MAGI2: variants seen among roughly 807,000 people sequenced by gnomAD.
MAGI2 encodes membrane-associated guanylate kinase, WW and PDZ domain-containing protein 2.
In MAGI2, 35 loss-of-function variants were observed where a neutral mutation model predicts 133.3. That is an observed-to-expected ratio of 0.26 (90% CI 0.20 to 0.35). The LOEUF is 0.35. MAGI2 is among the 10% of genes least tolerant of loss of function. The probability of loss-of-function intolerance (pLI) is 1.00; values close to 1 mark genes in which losing one functional copy is unlikely to be tolerated. For synonymous variants in MAGI2, 729 were observed against 710.6 expected, an observed-to-expected ratio of 1.03 and a Z score of -0.41; for missense variants, 1,636 against 1,863.4, an observed-to-expected ratio of 0.88 and a Z score of 2.25.
At chr7:79,265,559 TGTAC>T (rs1038788143) in intron 1 of MAGI2, among the ~76,000 whole-genome samples, 1 of 152,198 alleles carries the variant, frequency 6.6e-6, no homozygotes, top group African/African-American at 2.4e-5. Context: ...CATTTGATAG[TGTAC>T]GTGCTTATAT....
intron 1 of MAGI2, among the ~76,000 whole-genome samples, chr7:79,147,042 C>G (rs1822708829): frequency 6.6e-6 from 1 of 152,196 alleles, no homozygotes; most frequent in South Asian, 2.1e-4. Context: ...GAGTTCATAT[C>G]TCAGGTCTAA....
chr7:78,541,109 C>T (rs1798381839), intron 3 of MAGI2, among the ~76,000 whole-genome samples: 1 of 152,210 alleles, frequency 6.6e-6, no homozygotes, highest in South Asian at 2.1e-4. Context: ...AGTCCTGACT[C>T]CTATCCACCA....
At chr7:78,431,443 G>C (rs1799788330) in intron 6 of MAGI2, among the ~76,000 whole-genome samples, 1 of 152,040 alleles carries the variant, frequency 6.6e-6, no homozygotes, top group Non-Finnish European at 1.5e-5. Context: ...TTTCTCAAAG[G>C]CTAAAGGAAA....
At chr7:79,175,872 A>G (rs1826048805) in intron 1 of MAGI2, among the ~76,000 whole-genome samples, 1 of 152,008 alleles carries the variant, frequency 6.6e-6, no homozygotes, top group African/African-American at 2.4e-5. Context: ...GCAGCACATG[A>G]CTGTACAATT....
At chr7:78,265,461 T>C (rs1374628956) in intron 9 of MAGI2, among the ~76,000 whole-genome samples, 2 of 152,206 alleles carry the variant, frequency 1.3e-5, no homozygotes, top group African/African-American at 2.4e-5. Context: ...CTCTAAAGAA[T>C]GTAGTGAATT....
chr7:79,002,050 A>G (rs951565347), intron 2 of MAGI2, among the ~76,000 whole-genome samples: 2 of 151,982 alleles, frequency 1.3e-5, no homozygotes, highest in East Asian at 3.9e-4. Context: ...CTGAAGTTCA[A>G]TTACATACAA....
At chr7:78,224,694 A>ATTT (rs566236945) in intron 10 of MAGI2, among the ~76,000 whole-genome samples, 1 of 142,324 alleles carries the variant, frequency 7.0e-6, no homozygotes, top group Admixed American at 7.0e-5. Flanking sequence ...AACAACGTAA[A>ATTT]TTTTTTTTTT....
intron 9 of MAGI2, among the ~76,000 whole-genome samples, chr7:78,336,027 T>C (rs897215939): frequency 2.0e-5 from 3 of 152,112 alleles, no homozygotes; most frequent in Non-Finnish European, 4.4e-5. Flanking sequence ...AGTGTATTTG[T>C]TAGAAGTGTG....
intron 3 of MAGI2, among the ~76,000 whole-genome samples, chr7:78,537,708 T>C (rs113311492): frequency 0.066 from 10,043 of 152,210 alleles, 409 homozygotes; most frequent in Non-Finnish European, 0.097. Flanking sequence ...TTCTTGCTGA[T>C]TTTTTCCTTG....
intron 3 of MAGI2, among the ~76,000 whole-genome samples, chr7:78,610,127 C>T (rs1176781037): frequency 2.0e-5 from 3 of 152,100 alleles, no homozygotes; most frequent in Non-Finnish European, 1.5e-5. Context: ...AGAAATGGTA[C>T]CACATATTGG....
chr7:79,297,869 C>T lies in MAGI2; in HGVS notation c.301+155151G>A, dbSNP rs796396307. 9.2e-5 allele frequency among the ~76,000 whole-genome samples: 14 copies of T among 152,282 alleles called. No individual in the cohort carries two copies. In the East Asian group the frequency reaches 2.3e-3, roughly 25 times the overall value. On this transcript the variant is annotated intron_variant, in intron 1 of 21. Coordinates refer to ENST00000354212, the MANE Select transcript of MAGI2 (RefSeq NM_012301.4). ...CTCAGCACAGCTTTGACTTAACTTT[C>T]GTCAGGTGGGAATGAGCAAGTTAAT...
At chr7:79,432,926 T>C (rs1217017513) in intron 1 of MAGI2, among the ~76,000 whole-genome samples, 1 of 152,210 alleles carries the variant, frequency 6.6e-6, no homozygotes, top group East Asian at 1.9e-4. Flanking sequence ...TGCTTCTTTA[T>C]TCTTGTTCCT....
At chr7:78,392,169 G>A (rs1028097669) in intron 6 of MAGI2, among the ~76,000 whole-genome samples, 14 of 152,158 alleles carry the variant, frequency 9.2e-5, no homozygotes, top group African/African-American at 3.4e-4. Flanking sequence ...AGTAGAAATG[G>A]ATCTGTAAGG....
At chr7:78,933,154 C>T (rs1028889121) in intron 2 of MAGI2, among the ~76,000 whole-genome samples, 80 of 152,104 alleles carry the variant, frequency 5.3e-4, no homozygotes, top group African/African-American at 1.6e-3. Flanking sequence ...GAAAGCAGGA[C>T]TGGGTGATGA....
At chr7:78,827,580 C>G (rs1490287743) in intron 2 of MAGI2, among the ~76,000 whole-genome samples, 1 of 152,066 alleles carries the variant, frequency 6.6e-6, no homozygotes, top group Non-Finnish European at 1.5e-5. Flanking sequence ...TGCACCCAGC[C>G]TCTTTAGGAA....
chr7:79,203,965 T>A (rs1828826521), intron 1 of MAGI2, among the ~76,000 whole-genome samples: 1 of 151,994 alleles, frequency 6.6e-6, no homozygotes, highest in African/African-American at 2.4e-5. Flanking sequence ...GATCACAGTA[T>A]TTGGTTGTAG....
intron 7 of MAGI2, chr7:78,359,304 G>A (rs941254114): frequency 6.6e-6 from 1 of 152,156 alleles, no homozygotes; most frequent in African/African-American, 2.4e-5. Context: ...ATATGAAAAA[G>A]TGCTTAGGGA....
At chr7:79,387,555 C>G (rs1216132179) in intron 1 of MAGI2, among the ~76,000 whole-genome samples, 1 of 151,956 alleles carries the variant, frequency 6.6e-6, no homozygotes, top group African/African-American at 2.4e-5. Context: ...CCTGTTTATA[C>G]TTCTGCAATT....
At chr7:79,429,537 T>C (rs1404166660) in intron 1 of MAGI2, among the ~76,000 whole-genome samples, 2 of 152,144 alleles carry the variant, frequency 1.3e-5, no homozygotes, top group African/African-American at 4.8e-5. Context: ...ACTCCTGGCC[T>C]CAAGTGATCC....
Sources: gnomAD v4.1 joint callset for allele counts (sites outside exome capture counted in the v4.1 genomes callset) on GRCh38, gnomAD v4.1.1 for gene constraint, MANE v1.5 for transcripts, NCBI Gene and HGNC (gene_info 2026-07-23, HGNC 2026-07-21) for gene names.